UPRT: variants seen among roughly 807,000 people sequenced by gnomAD.
The protein encoded by UPRT is RP11-311P8.3.
A neutral mutation model predicts 22.6 loss-of-function variants in UPRT; 5 were observed. The observed-to-expected ratio is 0.22, with a 90% CI of 0.12 to 0.47. The LOEUF (loss-of-function observed/expected upper bound fraction) is 0.47. Ranked by LOEUF, UPRT falls within the 20% of genes least tolerant of loss-of-function variation. UPRT has a pLI of 0.99. For synonymous variants in UPRT, 77 were observed against 87.7 expected (o/e 0.88, Z 0.68); for missense variants, 181 against 239.9 (o/e 0.75, Z 1.62).
Position 75,303,569 on chromosome X carries a change from T to C in UPRT, c.*58T>C. ...ATTACAATCATGTTTTGATTTTCTA[T>C]TTGTTTTACTGATTCACTTGAGGGT... is the stretch of plus-strand genomic sequence containing the variant. On this transcript the variant is annotated 3_prime_UTR_variant, in exon 7 of 7. Coordinates refer to ENST00000373383, the MANE Select transcript of UPRT (RefSeq NM_145052.4). 1.0e-6 allele frequency: 1 copy of C among 960,496 alleles called. No homozygotes were observed. Among genetic ancestry groups the C allele is most frequent in the South Asian group, 2.3e-5 (1 of 42,896 alleles). 79.2% of individuals were successfully genotyped at this position (960,496 alleles called of 1,213,427 possible). A position where few individuals can be genotyped will look rare whatever the true frequency, so the allele number is the denominator to read the frequency against.
At chrX:75,286,750 C>A (rs893077993) in intron 1 of UPRT, among the ~76,000 whole-genome samples, 3 of 111,731 alleles carry the variant, frequency 2.7e-5, no homozygotes, top group African/African-American at 9.8e-5. Context: ...AAATTGGCTA[C>A]CTTTTAGTAG....
At chrX:75,158,366 C>A (rs1489195821) in intron 1 of UPRT, among the ~76,000 whole-genome samples, 1 of 112,449 alleles carries the variant, frequency 8.9e-6, no homozygotes, top group African/African-American at 3.2e-5. Flanking sequence ...CCACAGATCA[C>A]ATGATAGCAC....
In UPRT at chrX:75,296,781, T is replaced by C. The variant is rs539405531; in HGVS notation, c.499+370T>C. On this transcript the variant is annotated intron_variant, in intron 3 of 6. Transcript: ENST00000373383. ...TCTGTTTTGGCACTGAAATTACATG[T>C]TAAAAAAGGATAGAAAGTAAAAAAG... Among the ~76,000 whole-genome samples the C allele has an allele frequency of 5.1e-4, 57 of 111,740 alleles. No individual in the cohort carries two copies. The South Asian group carries it at 0.021, about 42-fold the overall frequency.
At chrX:75,239,311 T>A (rs2082480421) in intron 4 of UPRT, among the ~76,000 whole-genome samples, 1 of 111,615 alleles carries the variant, frequency 9.0e-6, no homozygotes, top group Non-Finnish European at 1.9e-5. Context: ...AAAGGATCTT[T>A]CAAGGTTGCT....
At chrX:75,235,495 T>G (rs1403290633) in intron 4 of UPRT, among the ~76,000 whole-genome samples, 1 of 111,691 alleles carries the variant, frequency 9.0e-6, no homozygotes, top group African/African-American at 3.3e-5. Context: ...TAAAGAGAAT[T>G]TTAGACCAAT....
intron 4 of UPRT, among the ~76,000 whole-genome samples, chrX:75,236,390 T>G (rs1261979012): frequency 1.8e-5 from 2 of 111,422 alleles, no homozygotes; most frequent in Admixed American, 9.5e-5. Context: ...AATTTACAGA[T>G]TCAATGCCAT....
intron 4 of UPRT, among the ~76,000 whole-genome samples, chrX:75,207,253 C>G (rs994289542): frequency 1.8e-5 from 2 of 112,076 alleles, no homozygotes; most frequent in Non-Finnish European, 3.8e-5. Context: ...GGATGAGGGA[C>G]CTGGTTAGGG....
intron 4 of UPRT, among the ~76,000 whole-genome samples, chrX:75,188,841 C>G: frequency 8.9e-6 from 1 of 112,063 alleles, no homozygotes; most frequent in Non-Finnish European, 1.9e-5. Flanking sequence ...CCCTGACCCC[C>G]TTCGCTTCCC....
intron 4 of UPRT, among the ~76,000 whole-genome samples, chrX:75,234,847 A>T (rs914432747): frequency 5.4e-5 from 6 of 111,779 alleles, no homozygotes; most frequent in African/African-American, 2.0e-4. Flanking sequence ...AAGATCCAAA[A>T]CTGACACCTT....
At chrX:75,237,010 C>T (rs955763263) in intron 4 of UPRT, among the ~76,000 whole-genome samples, 6 of 112,008 alleles carry the variant, frequency 5.4e-5, no homozygotes, top group African/African-American at 1.9e-4. Flanking sequence ...CGTGAACAGG[C>T]AACCTACAAA....
chrX:75,193,536 C>T (rs181151800), intron 4 of UPRT, among the ~76,000 whole-genome samples: 1 of 112,007 alleles, frequency 8.9e-6, no homozygotes, highest in East Asian at 2.8e-4. Context: ...TGGATGATAT[C>T]CTAAAATATG....
rs2082751957 is a variant in UPRT, at chrX:75,303,630, T to C, written c.*119T>C. On this transcript the variant is annotated 3_prime_UTR_variant, in exon 7 of 7. Coordinates refer to ENST00000373383, the MANE Select transcript of UPRT (RefSeq NM_145052.4). ...AATGTGTTAAAATGCTTTTTAGTTT[T>C]GGAAGTGGGTATATTTGAGGTTATA... The C allele has an allele frequency of 7.4e-6, 4 of 541,394 alleles. No individual in the cohort carries two copies. Among genetic ancestry groups the C allele is most frequent in the Non-Finnish European group, 1.2e-5 (4 of 345,101 alleles). The allele number at this position is 541,394 out of a possible 1,213,427, so 44.6% of individuals were successfully genotyped here. A position where few individuals can be genotyped will look rare whatever the true frequency, so the allele number is the denominator to read the frequency against.
intron 4 of UPRT, among the ~76,000 whole-genome samples, chrX:75,177,325 G>A (rs1221180585): frequency 9.0e-6 from 1 of 111,692 alleles, no homozygotes; most frequent in Non-Finnish European, 1.9e-5. Context: ...CAGCAGAAAC[G>A]CTAGTTTTCC....
chrX:75,199,467 C>T (rs2082341800), intron 4 of UPRT, among the ~76,000 whole-genome samples: 1 of 111,083 alleles, frequency 9.0e-6, no homozygotes, highest in African/African-American at 3.3e-5. Context: ...CCTGGCAGGA[C>T]TCATCACCTG....
intron 4 of UPRT, among the ~76,000 whole-genome samples, chrX:75,196,634 G>A (rs1386233055): frequency 4.5e-5 from 5 of 111,946 alleles, no homozygotes; most frequent in African/African-American, 1.6e-4. Flanking sequence ...ATCACTTGAG[G>A]CCAGGAGTTC....
chrX:75,207,922 TG>T (rs1400685500), intron 4 of UPRT, among the ~76,000 whole-genome samples: 2 of 111,616 alleles, frequency 1.8e-5, no homozygotes, highest in Non-Finnish European at 3.8e-5. Flanking sequence ...GTCTCAGTAC[TG>T]GGACCATTTT....
chrX:75,187,654 G>T (rs893571987), intron 4 of UPRT, among the ~76,000 whole-genome samples: 3 of 112,023 alleles, frequency 2.7e-5, no homozygotes, highest in Non-Finnish European at 3.8e-5. Context: ...TCGCTTTCAG[G>T]TACACCAATC....
intron 4 of UPRT, among the ~76,000 whole-genome samples, chrX:75,266,770 G>A (rs1329323296): frequency 9.0e-6 from 1 of 111,208 alleles, no homozygotes; most frequent in Non-Finnish European, 1.9e-5. Context: ...ATCAAAAAGT[G>A]GGTGAAGAAT....
intron 4 of UPRT, among the ~76,000 whole-genome samples, chrX:75,186,217 G>T (rs776439093): frequency 9.0e-6 from 1 of 110,963 alleles, no homozygotes; most frequent in East Asian, 2.8e-4. Context: ...TTCTGGTATG[G>T]TGTGTGTTTG....
Sources: gnomAD v4.1 joint callset for allele counts (sites outside exome capture counted in the v4.1 genomes callset) on GRCh38, gnomAD v4.1.1 for gene constraint, MANE v1.5 for transcripts, NCBI Gene and HGNC (gene_info 2026-07-23, HGNC 2026-07-21) for gene names.